GPM6B: variants seen among roughly 807,000 people sequenced by gnomAD.
GPM6B encodes glycoprotein M6B, also known as neuronal membrane glycoprotein M6-b.
GPM6B carries 4 observed loss-of-function variants against 27.2 expected under a neutral mutation model. The ratio of observed to expected loss-of-function variants is 0.15; its 90% CI spans 0.07 to 0.34. The LOEUF is 0.34. Among genes scored for constraint, GPM6B ranks in the 10% least tolerant of loss-of-function variants. GPM6B has a pLI of 1.00. For synonymous variants in GPM6B, 124 were observed against 103.1 expected (o/e 1.20, Z -1.23); for missense variants, 183 against 261.9 (o/e 0.70, Z 2.08).
chrX:13,830,898 C>T (rs1186678823), intron 1 of GPM6B, among the ~76,000 whole-genome samples: 1 of 110,947 alleles, frequency 9.0e-6, no homozygotes, highest in Non-Finnish European at 1.9e-5. Context: ...AAGCTGGCCC[C>T]TCACTGCAAG....
intron 1 of GPM6B, among the ~76,000 whole-genome samples, chrX:13,830,792 A>C (rs1032953223): frequency 1.8e-5 from 2 of 111,830 alleles, no homozygotes; most frequent in Non-Finnish European, 3.8e-5. Flanking sequence ...GAAGAAAGGG[A>C]AACGTTTTTA....
chrX:13,861,105 T>TAC (rs1179669665), intron 1 of GPM6B, among the ~76,000 whole-genome samples: 1 of 104,974 alleles, frequency 9.5e-6, no homozygotes, highest in East Asian at 3.0e-4. Context: ...CACATACATA[T>TAC]ACACACATAT....
At chrX:13,880,104 C>G (rs750723184) in intron 1 of GPM6B, among the ~76,000 whole-genome samples, 30 of 112,241 alleles carry the variant, frequency 2.7e-4, no homozygotes, top group South Asian at 1.5e-3. Flanking sequence ...TTTGCTAACA[C>G]ACGGATTCTT....
intron 1 of GPM6B, among the ~76,000 whole-genome samples, chrX:13,936,940 T>G (rs1167398099): frequency 1.8e-5 from 2 of 112,439 alleles, no homozygotes; most frequent in Non-Finnish European, 3.8e-5. Flanking sequence ...AAATAACGAT[T>G]TCAGAAAAAG....
At position 13,852,267 on chromosome X, in the gene GPM6B, C is replaced by T. The variant is rs186012067; in HGVS notation, c.-197-66459G>A. On this transcript the variant is annotated intron_variant, in intron 1 of 6. Transcript: ENST00000398361. Reference sequence around the variant, plus strand: ...TATTTACAAAAACAGGTGGCTGACTCATGGGCCATACCTGATGTAAACAAA... The same window carrying T: ...TATTTACAAAAACAGGTGGCTGACTTATGGGCCATACCTGATGTAAACAAA... Among the ~76,000 whole-genome samples the T allele has an allele frequency of 5.5e-3, 617 of 111,445 alleles. 6 individuals carry two copies. Among genetic ancestry groups the T allele is most frequent in the African/African-American group, 0.019 (576 of 30,651 alleles).
At chrX:13,875,767 A>G (rs1388169577) in intron 1 of GPM6B, among the ~76,000 whole-genome samples, 1 of 112,388 alleles carries the variant, frequency 8.9e-6, no homozygotes, top group Non-Finnish European at 1.9e-5. Flanking sequence ...AAGAAGCCAG[A>G]CACGGTAGGC....
chrX:13,880,643 T>C (rs2050086154), intron 1 of GPM6B, among the ~76,000 whole-genome samples: 1 of 81,461 alleles, frequency 1.2e-5, no homozygotes, highest in Non-Finnish European at 2.1e-5. Context: ...GCCACTGCAC[T>C]CCAGCCTGGG....
At chrX:13,827,448 T>C (rs774393833) in intron 1 of GPM6B, among the ~76,000 whole-genome samples, 60 of 108,756 alleles carry the variant, frequency 5.5e-4, no homozygotes, top group African/African-American at 2.0e-3. Flanking sequence ...CCAGCCCATT[T>C]CCCCCTTCTT....
chrX:13,795,891 T>G (rs767616871), intron 2 of GPM6B, among the ~76,000 whole-genome samples: 2 of 109,929 alleles, frequency 1.8e-5, no homozygotes, highest in East Asian at 5.7e-4. Context: ...TAGCTGGAAT[T>G]AAGGCACATG....
chrX:13,896,020 T>C (rs1035725151), intron 1 of GPM6B, among the ~76,000 whole-genome samples: 1 of 96,441 alleles, frequency 1.0e-5, no homozygotes, highest in South Asian at 5.7e-4. Context: ...CCGTGTGTGG[T>C]GGCATACACT....
intron 1 of GPM6B, among the ~76,000 whole-genome samples, chrX:13,922,505 C>A (rs975162413): frequency 8.9e-6 from 1 of 112,157 alleles, no homozygotes; most frequent in Non-Finnish European, 1.9e-5. Context: ...TGTAGGTACA[C>A]GAGGGAGAGA....
intron 2 of GPM6B, among the ~76,000 whole-genome samples, chrX:13,796,075 C>T (rs371569718): frequency 7.4e-4 from 83 of 111,679 alleles, no homozygotes; most frequent in African/African-American, 2.4e-3. Context: ...TACAGGCACG[C>T]ACCACCATGC....
chrX:13,913,512 T>C (rs1039737873), intron 1 of GPM6B, among the ~76,000 whole-genome samples: 4 of 111,122 alleles, frequency 3.6e-5, no homozygotes, highest in African/African-American at 1.3e-4. Context: ...GGCCTCAGTG[T>C]TCAATGTAAC....
intron 2 of GPM6B, among the ~76,000 whole-genome samples, chrX:13,800,050 T>C (rs1214928214): frequency 1.8e-5 from 2 of 111,601 alleles, no homozygotes; most frequent in East Asian, 5.6e-4. Flanking sequence ...CCTGATTAGG[T>C]TTCAAAAAAT....
At chrX:13,774,111 GACAAA>G (rs2048360006) in intron 7 of GPM6B, 1 of 755,941 alleles carries the variant, frequency 1.3e-6, no homozygotes, top group Non-Finnish European at 1.6e-6. Context: ...TTCCAGGTGT[GACAAA>G]ACAAAATCCA....
intron 1 of GPM6B, among the ~76,000 whole-genome samples, chrX:13,905,563 CAAG>C (rs1259018996): frequency 3.6e-5 from 4 of 111,708 alleles, no homozygotes; most frequent in Non-Finnish European, 5.6e-5. Context: ...TGACCGCCTC[CAAG>C]AAGGAGTTTT....
chrX:13,931,441 T>C (rs1201991628), intron 1 of GPM6B, among the ~76,000 whole-genome samples: 20 of 108,030 alleles, frequency 1.9e-4, no homozygotes, highest in Non-Finnish European at 2.3e-4. Flanking sequence ...TGAGCCGAGA[T>C]CGCACCACTG....
intron 1 of GPM6B, among the ~76,000 whole-genome samples, chrX:13,812,040 T>C (rs1343710773): frequency 1.2e-5 from 1 of 83,622 alleles, no homozygotes; most frequent in African/African-American, 4.6e-5. Context: ...AACACTTTTC[T>C]TTTCTTTCTT....
At chrX:13,820,298 C>G (rs750895336), upstream of GPM6B, among the ~76,000 whole-genome samples, 1 of 110,862 alleles carries the variant, frequency 9.0e-6, no homozygotes, top group African/African-American at 3.3e-5. Context: ...TGGATTGGAT[C>G]TGTATGAGTA....
Sources: gnomAD v4.1 joint callset for allele counts (sites outside exome capture counted in the v4.1 genomes callset) on GRCh38, gnomAD v4.1.1 for gene constraint, MANE v1.5 for transcripts, NCBI Gene and HGNC (gene_info 2026-07-23, HGNC 2026-07-21) for gene names.